PARD3: variants seen among roughly 807,000 people sequenced by gnomAD.
The protein encoded by PARD3 is partitioning defective 3 homolog.
A neutral mutation model predicts 155.4 loss-of-function variants in PARD3; 75 were observed. The observed-to-expected ratio is 0.48, with a 90% CI of 0.40 to 0.58. The LOEUF (loss-of-function observed/expected upper bound fraction) is 0.58. Among genes scored for constraint, PARD3 ranks in the 20% least tolerant of loss-of-function variants. The pLI is 0.00. For missense variants in PARD3, 1,642 were observed against 1,721.7 expected, an observed-to-expected ratio of 0.95 and a Z score of 0.82; for synonymous variants, 576 against 610.5, an observed-to-expected ratio of 0.94 and a Z score of 0.83.
intron 5 of PARD3, among the ~76,000 whole-genome samples, chr10:34,421,288 C>T: frequency 6.6e-6 from 1 of 150,676 alleles, no homozygotes; most frequent in East Asian, 1.9e-4. Context: ...TATTGTACTA[C>T]TTATTAATAA....
intron 11 of PARD3, among the ~76,000 whole-genome samples, chr10:34,374,506 T>C (rs1461776578): frequency 6.6e-6 from 1 of 152,190 alleles, no homozygotes; most frequent in Non-Finnish European, 1.5e-5. Context: ...TATGAAAATT[T>C]GTCATATGCA....
chr10:34,677,691 A>C (rs2093734322), intron 2 of PARD3, among the ~76,000 whole-genome samples: 1 of 152,184 alleles, frequency 6.6e-6, no homozygotes, highest in Admixed American at 6.5e-5. Flanking sequence ...TGAAGCACCT[A>C]TCTGTAATGC....
At chr10:34,344,683 G>C in intron 15 of PARD3, 2 of 985,362 alleles carry the variant, frequency 2.0e-6, no homozygotes, top group Non-Finnish European at 2.4e-6. Flanking sequence ...CCCCACTACA[G>C]GTTACTTTCT....
intron 1 of PARD3, among the ~76,000 whole-genome samples, chr10:34,814,234 G>T (rs551858343): frequency 1.3e-4 from 20 of 152,288 alleles, no homozygotes; most frequent in Non-Finnish European, 2.2e-4. Context: ...GGCCCTCCCG[G>T]GAACGCCTCC....
At chr10:34,324,856 T>G (rs1170586039) in intron 19 of PARD3, among the ~76,000 whole-genome samples, 2 of 152,120 alleles carry the variant, frequency 1.3e-5, no homozygotes, top group Non-Finnish European at 2.9e-5. Context: ...GCATCATCGC[T>G]CACCTGGATG....
chr10:34,158,846 A>C (rs1949137697), intron 22 of PARD3, among the ~76,000 whole-genome samples: 1 of 152,228 alleles, frequency 6.6e-6, no homozygotes, highest in Admixed American at 6.5e-5. Flanking sequence ...TGTGGCTGTG[A>C]CTTCCATTGT....
chr10:34,715,223 A>G (rs967016169), intron 1 of PARD3, among the ~76,000 whole-genome samples: 5 of 151,990 alleles, frequency 3.3e-5, no homozygotes, highest in African/African-American at 1.2e-4. Flanking sequence ...GATTACAGGT[A>G]CACACCACCA....
intron 4 of PARD3, among the ~76,000 whole-genome samples, chr10:34,464,793 C>T (rs2077898617): frequency 6.6e-6 from 1 of 152,078 alleles, no homozygotes; most frequent in South Asian, 2.1e-4. Flanking sequence ...TGGATGGTTC[C>T]CCCTGGTAAT....
At chr10:34,279,103 A>C (rs1417182163) in intron 21 of PARD3, among the ~76,000 whole-genome samples, 1 of 149,348 alleles carries the variant, frequency 6.7e-6, no homozygotes, top group Non-Finnish European at 1.5e-5. Context: ...AGTATGCCTA[A>C]CGCTTAATTT....
intron 22 of PARD3, among the ~76,000 whole-genome samples, chr10:34,155,848 G>C (rs1023337225): frequency 1.3e-5 from 2 of 152,294 alleles, no homozygotes; most frequent in South Asian, 4.1e-4. Flanking sequence ...TGGGACCACT[G>C]TATTCAGAGG....
chr10:34,691,142 G>A (rs192266672), intron 2 of PARD3, among the ~76,000 whole-genome samples: 154 of 152,270 alleles, frequency 1.0e-3, no homozygotes, highest in Admixed American at 0.01. Flanking sequence ...AGGAAGAGAG[G>A]AAGTCAAACT....
intron 1 of PARD3, among the ~76,000 whole-genome samples, chr10:34,725,684 C>G (rs1430965642): frequency 6.6e-6 from 1 of 152,124 alleles, no homozygotes; most frequent in African/African-American, 2.4e-5. Flanking sequence ...CTGGCTGTAT[C>G]AGAAACACCT....
chr10:34,728,360 C>T (rs1333436754), intron 1 of PARD3, among the ~76,000 whole-genome samples: 2 of 152,048 alleles, frequency 1.3e-5, no homozygotes, highest in South Asian at 2.1e-4. Flanking sequence ...CATTTCTGAA[C>T]GTTTTTGTAA....
chr10:34,173,407 C>G (rs918435748), intron 22 of PARD3, among the ~76,000 whole-genome samples: 1 of 152,178 alleles, frequency 6.6e-6, no homozygotes, highest in African/African-American at 2.4e-5. Flanking sequence ...CAGGAATGAA[C>G]TTTGGGAGCT....
chr10:34,331,424 A>G, intron 18 of PARD3, 80 bp from the exon 19 acceptor site: 1 of 799,002 alleles, frequency 1.3e-6, no homozygotes, highest in Non-Finnish European at 2.1e-6. Context: ...CGAAAACTTC[A>G]GGTACATAAC....
intron 2 of PARD3, among the ~76,000 whole-genome samples, chr10:34,547,474 T>G (rs1451846607): frequency 6.6e-6 from 1 of 152,204 alleles, no homozygotes; most frequent in African/African-American, 2.4e-5. Context: ...TTAGCACACA[T>G]AAAATATGGG....
intron 22 of PARD3, among the ~76,000 whole-genome samples, chr10:34,218,829 C>T (rs1191087212): frequency 6.6e-5 from 10 of 151,654 alleles, no homozygotes; most frequent in African/African-American, 2.4e-4. Flanking sequence ...GATGCAAAAC[C>T]AGAAAGAGGA....
At chr10:34,372,135 G>C (rs546460670) in intron 12 of PARD3, among the ~76,000 whole-genome samples, 1 of 151,498 alleles carries the variant, frequency 6.6e-6, no homozygotes, top group African/African-American at 2.4e-5. Context: ...TTCCATGATT[G>C]AATCAAGTTT....
intron 2 of PARD3, among the ~76,000 whole-genome samples, chr10:34,688,428 T>C (rs1036450375): frequency 1.3e-5 from 2 of 152,198 alleles, no homozygotes; most frequent in African/African-American, 4.8e-5. Flanking sequence ...CACAAACGCA[T>C]GACAGCTGCT....
Sources: gnomAD v4.1 joint callset for allele counts (sites outside exome capture counted in the v4.1 genomes callset) on GRCh38, gnomAD v4.1.1 for gene constraint, MANE v1.5 for transcripts, NCBI Gene and HGNC (gene_info 2026-07-23, HGNC 2026-07-21) for gene names.